The following SLC1A2 variants were observed in gnomAD, a reference collection of about 807,000 sequenced individuals.
SLC1A2 encodes the protein excitatory amino acid transporter 2.
Under a neutral mutation model 48.8 loss-of-function variants are expected in SLC1A2, and 15 were observed. The observed-to-expected ratio is 0.31, with a 90% confidence interval of 0.21 to 0.47. The LOEUF (loss-of-function observed/expected upper bound fraction) is 0.47, where lower values mean the gene tolerates loss of function less well. Ranked by LOEUF, SLC1A2 falls within the 20% of genes least tolerant of loss-of-function variation. The pLI, the probability that SLC1A2 is intolerant of heterozygous loss-of-function variation, is 0.99. For synonymous variants in SLC1A2, 279 were observed against 272.6 expected (o/e 1.02, Z -0.23); for missense variants, 502 against 730.5 (o/e 0.69, Z 3.61).
At chr11:35,311,670 C>A (rs1274626045) in intron 4 of SLC1A2, among the ~76,000 whole-genome samples, 1 of 152,074 alleles carries the variant, frequency 6.6e-6, no homozygotes, top group African/African-American at 2.4e-5. Context: ...GCTCCAGATT[C>A]ATCTCTTGGA....
In SLC1A2 at chr11:35,412,558, C is replaced by T. The variant is rs1028746309; in HGVS notation, c.17+6392G>A. Among the ~76,000 whole-genome samples the T allele has an allele frequency of 9.2e-5, 14 of 152,274 alleles. 1 individual carries two copies. Among genetic ancestry groups the T allele is most frequent in the South Asian group, 8.3e-4 (4 of 4,818 alleles). On this transcript the variant is annotated intron_variant, in intron 1 of 10. Coordinates refer to ENST00000278379, the MANE Select transcript of SLC1A2 (RefSeq NM_004171.4). ...TCCCACTCTTTAAAACACAGAAATA[C>T]GCCTCTGAAAGATTTCTTCCTCAAT...
At chr11:35,404,955 T>G (rs1855240714) in intron 1 of SLC1A2, among the ~76,000 whole-genome samples, 1 of 152,182 alleles carries the variant, frequency 6.6e-6, no homozygotes, top group Non-Finnish European at 1.5e-5. Flanking sequence ...TCTAGGAGGA[T>G]TCTAGCATTT....
chr11:35,278,825 C>T (rs891937991), intron 9 of SLC1A2, among the ~76,000 whole-genome samples: 1 of 151,896 alleles, frequency 6.6e-6, no homozygotes, highest in Non-Finnish European at 1.5e-5. Flanking sequence ...TTGAGACCAG[C>T]CTGACCAACA....
At chr11:35,307,892 G>A (rs898484083) in intron 4 of SLC1A2, among the ~76,000 whole-genome samples, 4 of 152,200 alleles carry the variant, frequency 2.6e-5, no homozygotes, top group African/African-American at 9.7e-5. Flanking sequence ...TGCAGGGAGA[G>A]AGGAAGCCTA....
intron 2 of SLC1A2, chr11:35,316,375 T>G (rs1206741507): frequency 6.6e-6 from 1 of 152,234 alleles, no homozygotes; most frequent in East Asian, 1.9e-4. Flanking sequence ...AAGCCTGATT[T>G]TTTTTCTTCT....
chr11:35,279,328 C>T (rs1850546068), intron 9 of SLC1A2, among the ~76,000 whole-genome samples: 1 of 152,246 alleles, frequency 6.6e-6, no homozygotes, highest in Non-Finnish European at 1.5e-5. Flanking sequence ...ACTTTCCCAC[C>T]TTTGTGAATG....
intron 1 of SLC1A2, among the ~76,000 whole-genome samples, chr11:35,330,431 G>T (rs559610191): frequency 1.1e-4 from 16 of 152,354 alleles, no homozygotes; most frequent in African/African-American, 3.1e-4. Flanking sequence ...GGGAGTACTG[G>T]TAATGAATAG....
chr11:35,367,359 C>T (rs11033100), intron 1 of SLC1A2, among the ~76,000 whole-genome samples: 42,880 of 152,062 alleles, frequency 0.28, 6,188 homozygotes, highest in African/African-American at 0.33. Flanking sequence ...TTGCTCTCAG[C>T]CAGGGTGACC....
In SLC1A2 at chr11:35,315,193, A is replaced by G. The variant is rs768975963; in HGVS notation, c.158-18T>C. 3 of 1,609,530 alleles carry G rather than the reference A, an allele frequency of 1.9e-6. No homozygotes were observed. In the East Asian group the frequency reaches 6.7e-5, roughly 36 times the overall value. Reference sequence around the variant, plus strand: ...GATGACACCTAAAAGGAAGGGGAAAACAATATGAATTTATTTTTTGCCTTC... The same window carrying G: ...GATGACACCTAAAAGGAAGGGGAAAGCAATATGAATTTATTTTTTGCCTTC... On this transcript the variant is annotated intron_variant, in intron 2 of 10. Coordinates refer to ENST00000278379, the MANE Select transcript of SLC1A2 (RefSeq NM_004171.4).
At chr11:35,337,372 C>A (rs78640408) in intron 1 of SLC1A2, among the ~76,000 whole-genome samples, 1 of 152,132 alleles carries the variant, frequency 6.6e-6, no homozygotes, top group Non-Finnish European at 1.5e-5. Context: ...TGTTTTCAAA[C>A]GTGGCGAGAG....
intron 6 of SLC1A2, among the ~76,000 whole-genome samples, chr11:35,294,571 A>C (rs1435206861): frequency 6.6e-6 from 1 of 152,238 alleles, no homozygotes; most frequent in East Asian, 1.9e-4. Context: ...TTCATAAAAC[A>C]AGAGATCAAT....
At position 35,252,720 on chromosome 11, in the gene SLC1A2, G is replaced by A. The variant is rs536362229; in HGVS notation, c.*8174C>T. ...ATGTTTGCAAAACACCGATCAACAT[G>A]TCTACTGCATTTAGATGAATAGCCA... is the stretch of plus-strand genomic sequence containing the variant. On this transcript the variant is annotated 3_prime_UTR_variant, in exon 11 of 11. Coordinates refer to ENST00000278379, the MANE Select transcript of SLC1A2 (RefSeq NM_004171.4). The A allele has an allele frequency of 1.3e-5, 2 of 152,694 alleles. No homozygotes were observed. Among genetic ancestry groups the A allele is most frequent in the African/African-American group, 4.8e-5 (2 of 41,572 alleles). 9.5% of individuals were successfully genotyped at this position (152,694 alleles called of 1,614,324 possible). A position where few individuals can be genotyped will look rare whatever the true frequency, so the allele number is the denominator to read the frequency against.
At chr11:35,380,558 C>A in intron 1 of SLC1A2, 1 of 396,820 alleles carries the variant, frequency 2.5e-6, no homozygotes, top group Non-Finnish European at 4.4e-6. Flanking sequence ...AAAGACAGTG[C>A]AAACACTTTT....
intron 9 of SLC1A2, among the ~76,000 whole-genome samples, chr11:35,267,644 C>T (rs750513407): frequency 6.6e-6 from 1 of 152,026 alleles, no homozygotes; most frequent in African/African-American, 2.4e-5. Flanking sequence ...CCTATTTGTC[C>T]GTTATACAGT....
rs1001275820 is a variant in SLC1A2 at position 35,265,610 on chromosome 11, C to T, written c.1570G>A (p.Asp524Asn). The change falls in exon 10 of 11, where the codon GAT becomes AAT. Residue 524 changes from aspartate to asparagine, a missense_variant. By Grantham distance (23) the Asp-to-Asn change is conservative (BLOSUM62 1). Around this residue, in one of 4 missense-constraint regions of SLC1A2, gnomAD observed 102 missense variants for 107.2 expected, o/e 0.95. Coordinates refer to ENST00000278379, the MANE Select transcript of SLC1A2 (RefSeq NM_004171.4). ...CTTTCCCTGTGGTTCTTCATGTCAT[C>T]ATAAATGGATTGAGTCTTGGTCATT... is the stretch of plus-strand genomic sequence containing the variant. ...IEMTKTQSIY[D>N]DMKNHRESNS... The T allele has an allele frequency of 1.9e-6, 3 of 1,612,874 alleles. No homozygotes were observed. Among genetic ancestry groups the T allele is most frequent in the Non-Finnish European group, 2.5e-6 (3 of 1,178,966 alleles).
At chr11:35,306,012 G>A (rs1354308832) in intron 5 of SLC1A2, 62 bp downstream of exon 5, 1 of 1,487,198 alleles carries the variant, frequency 6.7e-7, no homozygotes, top group Non-Finnish European at 9.3e-7. Context: ...TTCTGAAAAG[G>A]GAGTGCAGGA....
intron 1 of SLC1A2, among the ~76,000 whole-genome samples, chr11:35,376,469 T>A (rs900233791): frequency 1.7e-4 from 26 of 152,226 alleles, no homozygotes; most frequent in African/African-American, 5.3e-4. Flanking sequence ...GGGAGGAGAA[T>A]GTGGGAACTC....
chr11:35,322,463 G>T, intron 1 of SLC1A2: 1 of 700,736 alleles, frequency 1.4e-6, no homozygotes, highest in Non-Finnish European at 2.4e-6. Flanking sequence ...CACCTTCACT[G>T]ATTTGATGAG....
intron 1 of SLC1A2, among the ~76,000 whole-genome samples, chr11:35,354,803 T>C (rs1386296505): frequency 6.6e-6 from 1 of 152,158 alleles, no homozygotes; most frequent in Admixed American, 6.5e-5. Flanking sequence ...TTGCACCACA[T>C]ACTGAAATAC....
Sources: gnomAD v4.1 joint callset for allele counts (sites outside exome capture counted in the v4.1 genomes callset) on GRCh38, gnomAD v4.1.1 for gene constraint, gnomAD v4.1.1 regional missense constraint, MANE v1.5 for transcripts, NCBI Gene and HGNC (gene_info 2026-07-23, HGNC 2026-07-21) for gene names.